The following TUT4 variants were observed in gnomAD, a reference collection of about 807,000 sequenced individuals.
The protein encoded by TUT4 is terminal uridylyltransferase 4.
TUT4 carries 36 observed loss-of-function variants against 192.2 expected under a neutral mutation model. The observed-to-expected ratio is 0.19, with a 90% CI of 0.14 to 0.25. The LOEUF is 0.25. TUT4 is among the 10% of genes least tolerant of loss of function. TUT4 has a pLI of 1.00. For missense variants in TUT4, 1,493 were observed against 1,957.2 expected, an observed-to-expected ratio of 0.76 and a Z score of 4.47; for synonymous variants, 618 against 666.0, an observed-to-expected ratio of 0.93 and a Z score of 1.11.
intron 2 of TUT4, among the ~76,000 whole-genome samples, chr1:52,523,752 G>A (rs1015429778): frequency 6.9e-6 from 1 of 144,696 alleles, no homozygotes; most frequent in Admixed American, 6.7e-5. Context: ...ATTTGGCCTT[G>A]CCCTCAGCCT....
chr1:52,516,910 G>A (rs1678858941), intron 2 of TUT4, among the ~76,000 whole-genome samples: 2 of 151,886 alleles, frequency 1.3e-5, no homozygotes, highest in Admixed American at 1.3e-4. Flanking sequence ...CTTCTCTGAG[G>A]AGTTATCATT....
chr1:52,540,642 C>T (rs1224364814), intron 1 of TUT4, among the ~76,000 whole-genome samples: 1 of 152,100 alleles, frequency 6.6e-6, no homozygotes, highest in African/African-American at 2.4e-5. Context: ...CCATTTTATA[C>T]ATTAATGAGG....
intron 24 of TUT4, among the ~76,000 whole-genome samples, chr1:52,438,836 G>A (rs1210386782): frequency 6.6e-6 from 1 of 152,178 alleles, no homozygotes; most frequent in African/African-American, 2.4e-5. Context: ...TTGGGAGGCT[G>A]AGGCAGGGGG....
At chr1:52,531,125 C>G (rs1261006150) in intron 1 of TUT4, among the ~76,000 whole-genome samples, 3 of 152,206 alleles carry the variant, frequency 2.0e-5, no homozygotes, top group Non-Finnish European at 2.9e-5. Context: ...CAGAACTAAC[C>G]TCTAGTTCTT....
chr1:52,455,993 ATGTC>A (rs879686140), intron 20 of TUT4, among the ~76,000 whole-genome samples: 1 of 152,246 alleles, frequency 6.6e-6, no homozygotes, highest in Admixed American at 6.5e-5. Context: ...TTGCACACAG[ATGTC>A]TGTAACAGCT....
At chr1:52,463,469 C>A (rs1267552700) in intron 16 of TUT4, 2 of 1,050,480 alleles carry the variant, frequency 1.9e-6, no homozygotes, top group Non-Finnish European at 2.3e-6. Context: ...CCGGGTCTAA[C>A]AATTTCAAAA....
intron 3 of TUT4, among the ~76,000 whole-genome samples, chr1:52,510,356 C>T (rs1676834268): frequency 6.8e-6 from 1 of 146,822 alleles, no homozygotes. Context: ...AGTGGTCTTG[C>T]TATTTAGTCT....
At chr1:52,487,777 G>C (rs930973478) in intron 9 of TUT4, among the ~76,000 whole-genome samples, 3 of 152,068 alleles carry the variant, frequency 2.0e-5, no homozygotes, top group African/African-American at 7.2e-5. Context: ...ACTCCTTTCT[G>C]AAGAAACTAG....
chr1:52,510,826 G>A (rs1034382896), intron 3 of TUT4, among the ~76,000 whole-genome samples: 4 of 152,160 alleles, frequency 2.6e-5, no homozygotes, highest in Non-Finnish European at 4.4e-5. Context: ...GATATAGCAA[G>A]TATTAAGTGG....
chr1:52,488,312 TA>T lies in TUT4; in HGVS notation c.1515+596del, dbSNP rs1268508746. Among the ~76,000 whole-genome samples, 28 of 152,238 alleles carry T rather than the reference TA, an allele frequency of 1.8e-4. 1 individual carries two copies. Among genetic ancestry groups the T allele is most frequent in the Admixed American group, 1.8e-3 (28 of 15,282 alleles). ...GGGCAGGAATACACAAACAAAAGGC[TA>T]AAATCTCTCTCTCTAGTCATTTGGA... On this transcript the variant is annotated intron_variant, in intron 9 of 29. Transcript: ENST00000257177.
At chr1:52,466,552 C>A (rs577458739) in intron 15 of TUT4, among the ~76,000 whole-genome samples, 1 of 150,020 alleles carries the variant, frequency 6.7e-6, no homozygotes, top group Admixed American at 6.7e-5. Context: ...GTAGGAGGAT[C>A]GCTTGAGCCT....
In TUT4 at chr1:52,497,133, G is replaced by A; in HGVS notation, c.1050C>T (p.Ala350=). Residue 350 remains alanine (A), a synonymous_variant, in exon 5 of 30, where the codon GCC becomes GCT. Coordinates refer to ENST00000257177, the MANE Select transcript of TUT4 (RefSeq NM_001009881.3). ...CTGCAACACTTAAAGCAGCCAAGTG[G>A]GCAGGGGAAGGAGGTGGCAGAGAAC... ...ELRSLPPPSP[A]HLAALSVAVI... The A allele has an allele frequency of 1.2e-6, 2 of 1,613,344 alleles. No individual in the cohort carries two copies. The highest frequency in any genetic ancestry group is 1.7e-6 in the Non-Finnish European group (2 of 1,179,718).
At chr1:52,493,935 G>GT (rs947757017) in intron 6 of TUT4, among the ~76,000 whole-genome samples, 46 of 149,428 alleles carry the variant, frequency 3.1e-4, no homozygotes, top group African/African-American at 9.3e-4. Flanking sequence ...AGCTAGGAGT[G>GT]TAAGTGTGTG....
chr1:52,499,236 T>C (rs887568850), intron 4 of TUT4, among the ~76,000 whole-genome samples: 2 of 151,434 alleles, frequency 1.3e-5, no homozygotes, highest in African/African-American at 4.9e-5. Context: ...CCACCTCTAC[T>C]AAAAATACAA....
At chr1:52,550,265 C>A (rs1689072438) in intron 1 of TUT4, among the ~76,000 whole-genome samples, 3 of 152,048 alleles carry the variant, frequency 2.0e-5, no homozygotes, top group African/African-American at 7.2e-5. Flanking sequence ...AACAAAAAGT[C>A]TACATATCCT....
chr1:52,499,845 CG>C (rs1673596450), intron 4 of TUT4, among the ~76,000 whole-genome samples: 1 of 150,938 alleles, frequency 6.6e-6, no homozygotes, highest in Admixed American at 6.6e-5. Context: ...CAGAGGTGGG[CG>C]GATCACTTGA....
intron 20 of TUT4, 46 bp from the exon 21 acceptor site, chr1:52,446,713 C>T (rs754127484): frequency 2.8e-6 from 4 of 1,427,822 alleles, no homozygotes; most frequent in Non-Finnish European, 3.9e-6. Flanking sequence ...AGTGATCCAA[C>T]CCAAAGGTCC....
rs78244643 is a variant in TUT4 at position 52,509,194 on chromosome 1, C to A, written c.999+402G>T. Among the ~76,000 whole-genome samples, 725 of 152,280 alleles carry A rather than the reference C, an allele frequency of 4.8e-3. 7 individuals are homozygous for A. The highest frequency in any genetic ancestry group is 0.017 in the African/African-American group (699 of 41,536). ...AATATCTTCATACACCTCCTTAGCA[C>A]AATCTTCCCCCCCTAACAAGACTCA... On this transcript the variant is annotated intron_variant, in intron 4 of 29. Transcript: ENST00000257177.
At chr1:52,532,191 C>T (rs961475339) in intron 1 of TUT4, among the ~76,000 whole-genome samples, 1 of 151,978 alleles carries the variant, frequency 6.6e-6, no homozygotes, top group African/African-American at 2.4e-5. Context: ...AAAACAAATA[C>T]ATTTACATGG....
Sources: gnomAD v4.1 joint callset for allele counts (sites outside exome capture counted in the v4.1 genomes callset) on GRCh38, gnomAD v4.1.1 for gene constraint, MANE v1.5 for transcripts, NCBI Gene and HGNC (gene_info 2026-07-23, HGNC 2026-07-21) for gene names.